The following ZC3H12B variants were observed in gnomAD, a reference collection of about 807,000 sequenced individuals.
ZC3H12B encodes the protein zinc finger CCCH-type containing 12B.
ZC3H12B carries 7 observed loss-of-function variants against 43.9 expected under a neutral mutation model. The observed-to-expected ratio is 0.16, with a 90% CI of 0.09 to 0.30. The LOEUF (loss-of-function observed/expected upper bound fraction) is 0.30. Among genes scored for constraint, ZC3H12B ranks in the 10% least tolerant of loss-of-function variants. The pLI is 1.00. For synonymous variants in ZC3H12B, 222 were observed against 241.7 expected, an observed-to-expected ratio of 0.92 and a Z score of 0.76; for missense variants, 475 against 670.2, an observed-to-expected ratio of 0.71 and a Z score of 3.22.
At chrX:65,145,854 T>A in the ZC3H12B span, among the ~76,000 whole-genome samples, 3 of 111,815 alleles carry the variant, frequency 2.7e-5, no homozygotes, top group African/African-American at 9.7e-5. Context: ...ATAAATCTGA[T>A]GTTAATCACA....
intron 3 of ZC3H12B, among the ~76,000 whole-genome samples, chrX:65,424,701 C>G (rs5964971): frequency 0.14 from 15,814 of 111,245 alleles, 2,731 homozygotes; most frequent in African/African-American, 0.49. Flanking sequence ...CCAGTTCTCC[C>G]AGAACAATTT....
At chrX:65,207,444 A>G in the ZC3H12B span, among the ~76,000 whole-genome samples, 4 of 110,981 alleles carry the variant, frequency 3.6e-5, no homozygotes, top group South Asian at 3.8e-4. Flanking sequence ...GAGGATGCAA[A>G]AGCATAAGAA....
chrX:65,341,281 A>G, the ZC3H12B span, among the ~76,000 whole-genome samples: 2 of 112,427 alleles, frequency 1.8e-5, no homozygotes, highest in East Asian at 5.6e-4. Context: ...CATGGAAAAC[A>G]TATTTCAGAA....
chrX:65,206,158 A>G, the ZC3H12B span, among the ~76,000 whole-genome samples: 165 of 111,988 alleles, frequency 1.5e-3, no homozygotes, highest in African/African-American at 4.7e-3. Flanking sequence ...CTAGAAAATA[A>G]TCATCCTAAA....
the ZC3H12B span, among the ~76,000 whole-genome samples, chrX:65,104,819 G>A: frequency 8.9e-6 from 1 of 111,779 alleles, no homozygotes; most frequent in Admixed American, 9.5e-5. Context: ...GTGTAAATTA[G>A]TTCAACCATT....
intron 3 of ZC3H12B, among the ~76,000 whole-genome samples, chrX:65,458,879 T>C (rs1288709260): frequency 1.8e-5 from 2 of 110,368 alleles, no homozygotes; most frequent in African/African-American, 6.6e-5. Flanking sequence ...CTGAAGGAAA[T>C]AGAGACACAA....
At chrX:65,486,012 A>G (rs1204020385), upstream of ZC3H12B, among the ~76,000 whole-genome samples, 1 of 112,023 alleles carries the variant, frequency 8.9e-6, no homozygotes, top group Non-Finnish European at 1.9e-5. Flanking sequence ...ATATTTTTGA[A>G]TGAATTAAGT....
At chrX:65,155,895 G>A in the ZC3H12B span, among the ~76,000 whole-genome samples, 11 of 109,077 alleles carry the variant, frequency 1.0e-4, no homozygotes, top group Non-Finnish European at 1.9e-4. Flanking sequence ...CACTTTTCCT[G>A]TATTCTAGAA....
chrX:65,057,626 GC>G, the ZC3H12B span, among the ~76,000 whole-genome samples: 2 of 111,428 alleles, frequency 1.8e-5, no homozygotes. Context: ...TTGAATGTTG[GC>G]CTGCCTTGCT....
At chrX:65,069,494 T>A in the ZC3H12B span, among the ~76,000 whole-genome samples, 2 of 109,305 alleles carry the variant, frequency 1.8e-5, no homozygotes, top group African/African-American at 6.9e-5. Flanking sequence ...TTATCCTTAA[T>A]TATTTCAATC....
chrX:65,104,268 G>A, the ZC3H12B span, among the ~76,000 whole-genome samples: 1 of 111,863 alleles, frequency 8.9e-6, no homozygotes, highest in Admixed American at 9.5e-5. Context: ...AAAAATTAAT[G>A]CAAGATGGAT....
chrX:65,495,059 C>T (rs1258973671), intron 1 of ZC3H12B, among the ~76,000 whole-genome samples: 1 of 111,746 alleles, frequency 8.9e-6, no homozygotes, highest in African/African-American at 3.2e-5. Flanking sequence ...CAGAGTTCAT[C>T]CAATATTAAC....
At chrX:65,303,771 T>A in the ZC3H12B span, among the ~76,000 whole-genome samples, 6 of 112,539 alleles carry the variant, frequency 5.3e-5, no homozygotes, top group Admixed American at 2.8e-4. Flanking sequence ...TTGAGAATTT[T>A]AAAAGTCAAT....
the ZC3H12B span, among the ~76,000 whole-genome samples, chrX:65,036,423 T>C: frequency 7.2e-5 from 8 of 111,333 alleles, no homozygotes; most frequent in Non-Finnish European, 1.5e-4. Flanking sequence ...CTAAATTTTC[T>C]TTTTTTTGTA....
the ZC3H12B span, among the ~76,000 whole-genome samples, chrX:65,261,969 G>T: frequency 9.1e-6 from 1 of 110,006 alleles, no homozygotes. Context: ...CATTTTTTTG[G>T]TCTGTCAGTC....
chrX:65,276,089 CA>C, the ZC3H12B span, among the ~76,000 whole-genome samples: 2 of 110,405 alleles, frequency 1.8e-5, no homozygotes, highest in Non-Finnish European at 3.8e-5. Flanking sequence ...CTAGACCAAG[CA>C]GAATAAAGGT....
intron 2 of ZC3H12B, among the ~76,000 whole-genome samples, chrX:65,378,356 CTTGT>C (rs1217436994): frequency 1.8e-5 from 2 of 110,879 alleles, no homozygotes; most frequent in Admixed American, 9.6e-5. Context: ...TTACTTTATT[CTTGT>C]TTGTTTAGAT....
chrX:65,417,933 T>C (rs1166400061), intron 3 of ZC3H12B, among the ~76,000 whole-genome samples: 1 of 112,593 alleles, frequency 8.9e-6, no homozygotes, highest in Non-Finnish European at 1.9e-5. Context: ...TAATGCTTTT[T>C]CTTATTGTAT....
chrX:65,136,348 A>G, the ZC3H12B span, among the ~76,000 whole-genome samples: 13 of 110,743 alleles, frequency 1.2e-4, no homozygotes, highest in Non-Finnish European at 1.9e-5. Flanking sequence ...CTTTACTGAC[A>G]CTGTGTGTGT....
Sources: gnomAD v4.1 joint callset for allele counts (sites outside exome capture counted in the v4.1 genomes callset) on GRCh38, gnomAD v4.1.1 for gene constraint, MANE v1.5 for transcripts, NCBI Gene and HGNC (gene_info 2026-07-23, HGNC 2026-07-21) for gene names.